Variants in MTAP observed in about 807,000 individuals in gnomAD.
MTAP encodes methylthioadenosine phosphorylase, also known as S-methyl-5'-thioadenosine phosphorylase.
MTAP carries 33 observed loss-of-function variants against 33.6 expected under a neutral mutation model. That is an observed-to-expected ratio of 0.98 (90% confidence interval 0.74 to 1.31). The LOEUF is 1.31. Ranked by LOEUF, MTAP falls within the 40% of genes most tolerant of loss-of-function variation. MTAP has a pLI of 0.00. For synonymous variants in MTAP, 148 were observed against 125.7 expected, an observed-to-expected ratio of 1.18 and a Z score of -1.19; for missense variants, 367 against 360.0, an observed-to-expected ratio of 1.02 and a Z score of -0.16.
At chr9:21,881,404 A>G (rs1469165695) in intron 1 of MTAP, among the ~76,000 whole-genome samples, 3 of 152,106 alleles carry the variant, frequency 2.0e-5, no homozygotes, top group Non-Finnish European at 1.5e-5. Context: ...GCCAAAATAG[A>G]CAAATGGAAC....
chr9:21,863,362 CTG>C lies in MTAP; in HGVS notation c.*1351_*1352del. On this transcript the variant is annotated 3_prime_UTR_variant, in exon 8 of 8. Coordinates refer to ENST00000644715, the MANE Select transcript of MTAP (RefSeq NM_002451.4). ...GTTGCTCATCCATGTAATCCCAGCA[CTG>C]TGGGAGGCCGAGACGGGTGGATCAC... 1.1e-6 allele frequency: 1 copy of C among 936,922 alleles called. No homozygotes were observed. The highest frequency in any genetic ancestry group is 1.3e-6 in the Non-Finnish European group (1 of 785,796). The allele number at this position is 936,922 out of a possible 1,614,324, so 58.0% of individuals were successfully genotyped here.
chr9:21,886,675 C>A (rs890747486), intron 1 of MTAP, among the ~76,000 whole-genome samples: 1 of 152,242 alleles, frequency 6.6e-6, no homozygotes, highest in East Asian at 1.9e-4. Flanking sequence ...TTATCCAGCA[C>A]CATTTGTTGA....
intron 1 of MTAP, among the ~76,000 whole-genome samples, chr9:21,812,588 C>G (rs956279677): frequency 6.6e-6 from 1 of 152,156 alleles, no homozygotes; most frequent in Admixed American, 6.5e-5. Flanking sequence ...CCCAGGAGGC[C>G]TGGCAAGGTC....
intron 1 of MTAP, chr9:21,892,596 A>G (rs1008050974): frequency 3.3e-5 from 5 of 152,244 alleles, no homozygotes; most frequent in African/African-American, 1.2e-4. Flanking sequence ...TGCAGCCAAT[A>G]CTGAAGCACT....
chr9:21,843,498 C>G (rs1825302945), intron 5 of MTAP, among the ~76,000 whole-genome samples: 1 of 152,032 alleles, frequency 6.6e-6, no homozygotes. Flanking sequence ...AGAACATATG[C>G]CACAAAACAA....
At chr9:21,858,661 C>T (rs977035559) in intron 6 of MTAP, among the ~76,000 whole-genome samples, 1 of 152,196 alleles carries the variant, frequency 6.6e-6, no homozygotes, top group Admixed American at 6.5e-5. Context: ...CCGCCTCCCA[C>T]CAGGCCCCAC....
At chr9:21,858,518 G>A (rs1825684560) in intron 6 of MTAP, among the ~76,000 whole-genome samples, 1 of 152,182 alleles carries the variant, frequency 6.6e-6, no homozygotes, top group African/African-American at 2.4e-5. Context: ...GGTGGGAGCA[G>A]GAGCAAGAGA....
intron 4 of MTAP, among the ~76,000 whole-genome samples, chr9:21,833,222 C>CT (rs1825017610): frequency 6.6e-6 from 1 of 152,112 alleles, no homozygotes; most frequent in Non-Finnish European, 1.5e-5. Context: ...AGATCTCACT[C>CT]TCGCCCAAGC....
rs1825790730 is a variant in MTAP, at chr9:21,863,344, A to T, written c.*1330A>T. 2.1e-6 allele frequency: 2 copies of T among 971,740 alleles called. No individual in the cohort carries two copies. The highest frequency in any genetic ancestry group is 2.4e-6 in the Non-Finnish European group (2 of 817,552). 60.2% of individuals were successfully genotyped at this position (971,740 alleles called of 1,614,324 possible). A position where few individuals can be genotyped will look rare whatever the true frequency, so the allele number is the denominator to read the frequency against. On this transcript the variant is annotated 3_prime_UTR_variant, in exon 8 of 8. Transcript: ENST00000644715. ...TTTTGTTGGCCGGGCACAGTTGCTC[A>T]TCCATGTAATCCCAGCACTGTGGGA...
At chr9:21,811,913 T>C in intron 1 of MTAP, 2 of 353,894 alleles carry the variant, frequency 5.7e-6, no homozygotes, top group Non-Finnish European at 1.1e-5. Flanking sequence ...TTTTTATATC[T>C]TGGGGGATCC....
In MTAP at chr9:21,910,481, A is replaced by G. The variant is rs1251620104; in HGVS notation, c.148-20527A>G. Among the ~76,000 whole-genome samples the G allele has an allele frequency of 3.3e-5, 5 of 152,196 alleles. No individual in the cohort carries two copies. In the East Asian group the frequency reaches 9.6e-4, roughly 29 times the overall value. On this transcript the variant is annotated intron_variant, in intron 1 of 1. Transcript: ENST00000577563. ...ATGAGAGAATTTGTCTTTGAGGAAG[A>G]TTCCAGCTAGAGAAGACAATTCTAT...
chr9:21,892,389 G>A (rs1818214442), intron 1 of MTAP: 1 of 152,102 alleles, frequency 6.6e-6, no homozygotes. Context: ...CTCATATGCA[G>A]TGACACCCAT....
chr9:21,874,996 AG>A (rs1240004980), intron 1 of MTAP, among the ~76,000 whole-genome samples: 1 of 152,132 alleles, frequency 6.6e-6, no homozygotes, highest in Non-Finnish European at 1.5e-5. Flanking sequence ...GTCCCTGCAA[AG>A]GACATGAACT....
chr9:21,913,014 G>C (rs1332589837), intron 1 of MTAP, among the ~76,000 whole-genome samples: 1 of 152,136 alleles, frequency 6.6e-6, no homozygotes, highest in Non-Finnish European at 1.5e-5. Context: ...AATCATGAGT[G>C]AACTCCCATT....
At chr9:21,856,295 TAC>T (rs1825641111) in intron 6 of MTAP, 2 of 469,166 alleles carry the variant, frequency 4.3e-6, no homozygotes, top group Non-Finnish European at 5.6e-6. Flanking sequence ...ATCTAATGTG[TAC>T]AGTGTTTTGG....
intron 1 of MTAP, among the ~76,000 whole-genome samples, chr9:21,883,606 A>G (rs188739454): frequency 6.6e-6 from 1 of 151,974 alleles, no homozygotes; most frequent in Admixed American, 6.6e-5. Flanking sequence ...ACTATAAAAT[A>G]TGAGGAAAGA....
At chr9:21,820,428 G>T (rs932962448) in intron 4 of MTAP, among the ~76,000 whole-genome samples, 1 of 152,122 alleles carries the variant, frequency 6.6e-6, no homozygotes, top group South Asian at 2.1e-4. Context: ...GTTTTTGTCA[G>T]GTTTGTCACA....
chr9:21,812,696 C>G (rs1048733927), intron 1 of MTAP, among the ~76,000 whole-genome samples: 2 of 152,216 alleles, frequency 1.3e-5, no homozygotes, highest in Non-Finnish European at 2.9e-5. Context: ...TGTTTCTGTG[C>G]TTGTTCTGTG....
intron 4 of MTAP, 21 bp from the exon 5 acceptor site, chr9:21,837,887 C>A (rs753897605): frequency 6.3e-7 from 1 of 1,597,646 alleles, no homozygotes; most frequent in African/African-American, 1.3e-5. Flanking sequence ...AAACAAAAAC[C>A]TTTTTTGCTT....
Sources: allele counts gnomAD v4.1 joint callset (sites outside exome capture counted in the v4.1 genomes callset), GRCh38; gene constraint gnomAD v4.1.1; transcripts MANE v1.5; gene names NCBI Gene and HGNC (gene_info 2026-07-23, HGNC 2026-07-21).